Variants in DCUN1D2 observed in about 807,000 individuals in gnomAD.
The protein encoded by DCUN1D2 is DCN1-like protein 2.
In DCUN1D2, 29 loss-of-function variants were observed where a neutral mutation model predicts 30.9. That is an observed-to-expected ratio of 0.94 (90% CI 0.70 to 1.28). DCUN1D2 has a LOEUF of 1.28. Among genes scored for constraint, DCUN1D2 ranks in the 50% most tolerant of loss-of-function variants. The probability of loss-of-function intolerance (pLI) is 0.00; values close to 1 mark genes in which losing one functional copy is unlikely to be tolerated. For synonymous variants in DCUN1D2, 121 were observed against 115.3 expected (o/e 1.05, Z -0.32); for missense variants, 325 against 316.9 (o/e 1.03, Z -0.19).
intron 3 of DCUN1D2, 43 bp from the exon 4 acceptor site, chr13:113,474,297 C>T (rs1238247707): frequency 6.2e-7 from 1 of 1,605,628 alleles, no homozygotes. Context: ...AGATGCGCCT[C>T]CCTAGTCGAC....
At position 113,484,000 on chromosome 13, in the gene DCUN1D2, C is replaced by G; in HGVS notation, c.60G>C (p.Gln20His). 1 of 1,614,210 alleles carries G rather than the reference C, an allele frequency of 6.2e-7. No individual in the cohort carries two copies. Among genetic ancestry groups the G allele is most frequent in the South Asian group, 1.1e-5 (1 of 91,080 alleles). Residue 20 changes from glutamine to histidine, a missense_variant, in exon 2 of 7, where the codon CAG becomes CAC. Transcript: ENST00000478244. ...DKVRQFMACT[Q>H]AGERTAIYCL... ...AGTAGATAGCAGTTCTCTCGCCAGC[C>G]TGAGTGCACGCCATAAACTGGCGGA...
rs60598722 is a variant in DCUN1D2 at position 113,481,865 on chromosome 13, C to CAAAAA, written c.221-1127_221-1123dup. The stretch of plus-strand genomic sequence containing the variant: ...TGCCATTGCACTCCAGCCTGGGTGA[C>CAAAAA]AAAAAAAAAAAAAAAGAAAAATTGG... On this transcript the variant is annotated intron_variant, in intron 2 of 6. Transcript: ENST00000478244. Among the ~76,000 whole-genome samples, 114 of 111,986 alleles carry CAAAAA rather than the reference C, an allele frequency of 1.0e-3. 2 individuals carry two copies. The highest frequency in any genetic ancestry group is 3.0e-3 in the African/African-American group (101 of 33,146). The allele number at this position is 111,986 out of a possible 152,430, so 73.5% of individuals were successfully genotyped here.
At chr13:113,477,552 G>T (rs1034064718) in intron 3 of DCUN1D2, among the ~76,000 whole-genome samples, 39 of 152,152 alleles carry the variant, frequency 2.6e-4, no homozygotes, top group African/African-American at 8.7e-4. Context: ...ATGATCTCCT[G>T]TTTAATACTG....
intron 4 of DCUN1D2, among the ~76,000 whole-genome samples, chr13:113,465,238 C>A (rs2044382086): frequency 6.6e-6 from 1 of 152,050 alleles, no homozygotes; most frequent in African/African-American, 2.4e-5. Context: ...AGTGTCCTTC[C>A]TGATAAACAT....
chr13:113,456,463 C>T lies in DCUN1D2; in HGVS notation c.*1566G>A. On this transcript the variant is annotated 3_prime_UTR_variant, in exon 7 of 7. Transcript: ENST00000478244. ...CCCAGCTGCTTGTCTGGGCCATGCT[C>T]TCTCACACCGCAGCTAGGTCATCTG... is the stretch of plus-strand genomic sequence containing the variant. 2.5e-6 allele frequency: 1 copy of T among 398,576 alleles called. No homozygotes were observed. The highest frequency in any genetic ancestry group is 4.4e-6 in the Non-Finnish European group (1 of 226,212). The allele number at this position is 398,576 out of a possible 1,614,324, so 24.7% of individuals were successfully genotyped here.
Position 113,456,627 on chromosome 13 carries a change from A to C in DCUN1D2, c.*1402T>G. On this transcript the variant is annotated 3_prime_UTR_variant, in exon 7 of 7. Coordinates refer to ENST00000478244, the MANE Select transcript of DCUN1D2 (RefSeq NM_001014283.2). Reference sequence around the variant, plus strand: ...GGTCAACAGTGATGTCCACAACTCAATACCAGCCCTCCACACCTCGGCAGC... The same window carrying C: ...GGTCAACAGTGATGTCCACAACTCACTACCAGCCCTCCACACCTCGGCAGC... The C allele has an allele frequency of 5.6e-6, 2 of 356,918 alleles. No homozygotes were observed. The highest frequency in any genetic ancestry group is 5.0e-6 in the Non-Finnish European group (1 of 199,912). The allele number at this position is 356,918 out of a possible 1,614,324, so 22.1% of individuals were successfully genotyped here. A position where few individuals can be genotyped will look rare whatever the true frequency, so the allele number is the denominator to read the frequency against.
At chr13:113,487,321 A>G (rs934569512) in intron 1 of DCUN1D2, among the ~76,000 whole-genome samples, 1 of 152,258 alleles carries the variant, frequency 6.6e-6, no homozygotes, top group African/African-American at 2.4e-5. Context: ...TGCTAGATTT[A>G]AAAATCTGCC....
intron 4 of DCUN1D2, among the ~76,000 whole-genome samples, chr13:113,461,856 T>G (rs1178327803): frequency 6.6e-6 from 1 of 152,246 alleles, no homozygotes; most frequent in Non-Finnish European, 1.5e-5. Context: ...AATCCATAGT[T>G]TGTGAAACAC....
chr13:113,490,731 C>A (rs1286185877), upstream of DCUN1D2: 1 of 1,174,896 alleles, frequency 8.5e-7, no homozygotes, highest in Non-Finnish European at 1.1e-6. This position sits in a 1 kb window ranked among gnomAD's most constrained non-coding sequence, Gnocchi z 5.2. Context: ...GCGGCGGCTC[C>A]GCCCTCGTCC....
rs1472636463 is a variant in DCUN1D2, at chr13:113,456,677, C to T, written c.*1352G>A. 2 of 274,652 alleles carry T rather than the reference C, an allele frequency of 7.3e-6. No homozygotes were observed. The highest frequency in any genetic ancestry group is 5.4e-5 in the Admixed American group (1 of 18,678). The allele number at this position is 274,652 out of a possible 1,614,324, so 17.0% of individuals were successfully genotyped here. Reference sequence around the variant, plus strand: ...CACTCGTGGGTCCTCCTCAACCAGGCGGACACGAGAAACAGATGATAACAT... The same window carrying T: ...CACTCGTGGGTCCTCCTCAACCAGGTGGACACGAGAAACAGATGATAACAT... On this transcript the variant is annotated 3_prime_UTR_variant, in exon 7 of 7. Coordinates refer to ENST00000478244, the MANE Select transcript of DCUN1D2 (RefSeq NM_001014283.2).
At chr13:113,477,614 C>T (rs1418337814) in intron 3 of DCUN1D2, among the ~76,000 whole-genome samples, 1 of 151,790 alleles carries the variant, frequency 6.6e-6, no homozygotes, top group African/African-American at 2.4e-5. Context: ...AGGTGGCTTA[C>T]AATTCCAGTA....
intron 2 of DCUN1D2, 65 bp from the exon 3 acceptor site, chr13:113,480,808 T>C (rs1245280324): frequency 1.3e-6 from 2 of 1,556,980 alleles, no homozygotes; most frequent in Non-Finnish European, 1.8e-6. Flanking sequence ...AAATAGGAGG[T>C]TTGAATCCTA....
upstream of DCUN1D2, chr13:113,490,832 C>T: frequency 3.8e-6 from 2 of 530,254 alleles, no homozygotes; most frequent in Non-Finnish European, 5.2e-6. The surrounding 1 kb of genome is among the most constrained non-coding windows in gnomAD (Gnocchi z 5.2). Context: ...GCCCGGGGGC[C>T]CACGGGAGCT....
intron 2 of DCUN1D2, 103 bp downstream of exon 2, chr13:113,483,737 G>C (rs1411122698): frequency 8.7e-7 from 1 of 1,153,444 alleles, no homozygotes; most frequent in Non-Finnish European, 1.2e-6. Context: ...GAGAAGCAAC[G>C]GCAGCCCGGA....
intron 2 of DCUN1D2, 84 bp downstream of exon 2, chr13:113,483,756 C>T: frequency 7.2e-7 from 1 of 1,396,346 alleles, no homozygotes; most frequent in South Asian, 1.3e-5. Flanking sequence ...GAGACCTGCC[C>T]CGGCACCAGA....
chr13:113,460,503 G>A lies in DCUN1D2; in HGVS notation c.603+551C>T, dbSNP rs1411104130. Among the ~76,000 whole-genome samples, 4 of 152,238 alleles carry A rather than the reference G, an allele frequency of 2.6e-5. 1 individual carries two copies. The South Asian group carries it at 8.3e-4, about 31-fold the overall frequency. ...TGCCAGCAAGACGGGCTGGCATGAC[G>A]CAGCCTTGCCCCGCACCAGCAAAGT... is the stretch of plus-strand genomic sequence containing the variant. On this transcript the variant is annotated intron_variant, in intron 5 of 6. Coordinates refer to ENST00000478244, the MANE Select transcript of DCUN1D2 (RefSeq NM_001014283.2).
chr13:113,456,273 G>C lies in DCUN1D2; in HGVS notation c.*1756C>G, dbSNP rs893448092. 5.0e-6 allele frequency: 2 copies of C among 398,660 alleles called. No homozygotes were observed. Among genetic ancestry groups the C allele is most frequent in the African/African-American group, 4.1e-5 (2 of 48,640 alleles). 24.7% of individuals were successfully genotyped at this position (398,660 alleles called of 1,614,324 possible). ...ACCAGCCAGAAGCCAGCGGGGGCCA[G>C]GCGGGGTCTGCAGGCTGCAGGTCCC... On this transcript the variant is annotated 3_prime_UTR_variant, in exon 7 of 7. Transcript: ENST00000478244.
upstream of DCUN1D2, chr13:113,490,884 C>T (rs9577558): frequency 0.16 from 45,240 of 276,114 alleles, 5,044 homozygotes; most frequent in African/African-American, 0.37. This position sits in a 1 kb window ranked among gnomAD's most constrained non-coding sequence, Gnocchi z 5.2. Flanking sequence ...CTGCGAGGGC[C>T]TTGGCTCGCC....
Position 113,459,422 on chromosome 13 carries a change from GAA to G in DCUN1D2, c.604-16_604-15del, listed in dbSNP as rs202245499. On this transcript the variant is annotated splice_polypyrimidine_tract_variant and intron_variant, in intron 5 of 6. Transcript: ENST00000478244. ...TTTGTGATGTTCCTAATATATGAGAGAAAAAAAAAACCCACCAGGTTTAAAAT... is the reference window on the plus strand; with the variant it reads ...TTTGTGATGTTCCTAATATATGAGAGAAAAAAAACCCACCAGGTTTAAAAT... The G allele has an allele frequency of 8.8e-7, 1 of 1,136,540 alleles. No individual in the cohort carries two copies. The highest frequency in any genetic ancestry group is 1.3e-6 in the Non-Finnish European group (1 of 792,090). 70.4% of individuals were successfully genotyped at this position (1,136,540 alleles called of 1,614,324 possible).
Sources: allele counts gnomAD v4.1 joint callset (sites outside exome capture counted in the v4.1 genomes callset), GRCh38; gene constraint gnomAD v4.1.1; non-coding constraint Gnocchi (gnomAD v3.1); transcripts MANE v1.5; gene names NCBI Gene and HGNC (gene_info 2026-07-23, HGNC 2026-07-21).